Variants in ATP6V0E1 observed in about 807,000 individuals in gnomAD.
ATP6V0E1 encodes the protein V-type proton ATPase subunit e 1.
Under a neutral mutation model 11.6 loss-of-function variants are expected in ATP6V0E1, and 4 were observed. The observed-to-expected ratio is 0.35, with a 90% CI of 0.17 to 0.79. The LOEUF (loss-of-function observed/expected upper bound fraction) is 0.79. ATP6V0E1 is among the 30% of genes least tolerant of loss of function. The pLI is 0.54. For missense variants in ATP6V0E1, 105 were observed against 100.0 expected (o/e 1.05, Z -0.21); for synonymous variants, 36 against 34.8 (o/e 1.04, Z -0.13).
chr5:172,992,081 C>T (rs906580839), intron 1 of ATP6V0E1, among the ~76,000 whole-genome samples: 7 of 151,906 alleles, frequency 4.6e-5, no homozygotes, highest in South Asian at 2.1e-4. Flanking sequence ...GACGGAGTCT[C>T]GCTCTGTCGC....
chr5:172,994,740 T>C, intron 1 of ATP6V0E1, 35 bp from the exon 2 acceptor site: 1 of 1,528,418 alleles, frequency 6.5e-7, no homozygotes, highest in Non-Finnish European at 8.9e-7. Context: ...GTTTGCTAGT[T>C]ATTTAATGAC....
chr5:173,015,280 T>C (rs1238385759), intron 2 of ATP6V0E1, among the ~76,000 whole-genome samples: 1 of 152,226 alleles, frequency 6.6e-6, no homozygotes, highest in Non-Finnish European at 1.5e-5. Flanking sequence ...AAAGGTTATA[T>C]GTGAAATTGT....
chr5:173,019,246 C>T (rs1340119044), intron 2 of ATP6V0E1, among the ~76,000 whole-genome samples: 2 of 152,200 alleles, frequency 1.3e-5, no homozygotes, highest in African/African-American at 4.8e-5. Flanking sequence ...CCGCACCCAA[C>T]CTGTTTTTCA....
intron 2 of ATP6V0E1, among the ~76,000 whole-genome samples, chr5:173,018,268 G>A (rs1689864531): frequency 6.6e-6 from 1 of 151,024 alleles, no homozygotes; most frequent in African/African-American, 2.5e-5. Flanking sequence ...AAAATCATAA[G>A]GAAGAGAAAA....
intron 1 of ATP6V0E1, among the ~76,000 whole-genome samples, chr5:172,988,103 A>G (rs1255456834): frequency 6.6e-6 from 1 of 152,214 alleles, no homozygotes; most frequent in East Asian, 1.9e-4. Context: ...AAAAACTAAA[A>G]CACAAACATA....
At chr5:173,019,052 C>T (rs1241504851) in intron 2 of ATP6V0E1, among the ~76,000 whole-genome samples, 2 of 152,120 alleles carry the variant, frequency 1.3e-5, no homozygotes, top group Admixed American at 6.5e-5. Context: ...CTCCCAGGCT[C>T]AAGGGATGCT....
chr5:172,991,698 T>C (rs1235539018), intron 1 of ATP6V0E1, among the ~76,000 whole-genome samples: 1 of 152,228 alleles, frequency 6.6e-6, no homozygotes, highest in Admixed American at 6.5e-5. Context: ...AGAATTTCTT[T>C]AGCACAATCC....
At chr5:172,987,582 C>A (rs114435890) in intron 1 of ATP6V0E1, among the ~76,000 whole-genome samples, 1 of 151,994 alleles carries the variant, frequency 6.6e-6, no homozygotes. Context: ...CCACACCCGG[C>A]CCCCTGCTAT....
At chr5:173,021,794 A>G (rs1238460056) in intron 3 of ATP6V0E1, among the ~76,000 whole-genome samples, 2 of 152,226 alleles carry the variant, frequency 1.3e-5, no homozygotes, top group Non-Finnish European at 2.9e-5. Context: ...CACGCCTGTA[A>G]TCCCAGCACT....
intron 1 of ATP6V0E1, among the ~76,000 whole-genome samples, chr5:172,989,529 G>T (rs1393372867): frequency 1.3e-5 from 2 of 148,412 alleles, no homozygotes; most frequent in African/African-American, 2.6e-5. Context: ...CCTTACTGAA[G>T]ATTTTTTTTT....
intron 2 of ATP6V0E1, among the ~76,000 whole-genome samples, chr5:173,012,885 G>A (rs1371771443): frequency 3.9e-5 from 6 of 151,906 alleles, no homozygotes; most frequent in Admixed American, 3.9e-4. Flanking sequence ...AAAAGCACAG[G>A]CAACAGGCTG....
intron 3 of ATP6V0E1, among the ~76,000 whole-genome samples, chr5:173,032,227 A>G (rs940761484): frequency 9.9e-6 from 1 of 100,528 alleles, no homozygotes; most frequent in African/African-American, 4.0e-5. Flanking sequence ...ATGTAACATA[A>G]TGCACATTTA....
At chr5:172,990,421 G>A (rs1360535584) in intron 1 of ATP6V0E1, among the ~76,000 whole-genome samples, 2 of 152,162 alleles carry the variant, frequency 1.3e-5, no homozygotes, top group African/African-American at 4.8e-5. Context: ...TGTGGGGGAG[G>A]AGAAAAGGAA....
At chr5:173,030,866 AGCCTCCCGTATAG>A (rs1756638422) in intron 3 of ATP6V0E1, among the ~76,000 whole-genome samples, 1 of 152,142 alleles carries the variant, frequency 6.6e-6, no homozygotes, top group South Asian at 2.1e-4. Flanking sequence ...CTCCTGCCTC[AGCCTCCCGTATAG>A]CTGGGACTAC....
chr5:172,989,299 A>G (rs1000323087), intron 1 of ATP6V0E1, among the ~76,000 whole-genome samples: 1 of 152,110 alleles, frequency 6.6e-6, no homozygotes, highest in Non-Finnish European at 1.5e-5. Context: ...TGATCATGCC[A>G]CTGCATTCTA....
At chr5:173,034,264 A>G in intron 3 of ATP6V0E1, 135 bp from the exon 4 acceptor site, 1 of 660,970 alleles carries the variant, frequency 1.5e-6, no homozygotes, top group East Asian at 2.7e-5. Flanking sequence ...CACCAAGTTG[A>G]TTATCCTGTG....
intron 3 of ATP6V0E1, among the ~76,000 whole-genome samples, chr5:173,033,366 AT>A (rs1414591723): frequency 6.6e-6 from 1 of 152,136 alleles, no homozygotes; most frequent in East Asian, 1.9e-4. Flanking sequence ...CCTGGCCTAA[AT>A]TTATAATCTG....
At chr5:173,029,450 T>C (rs1052738967) in intron 3 of ATP6V0E1, among the ~76,000 whole-genome samples, 11 of 152,280 alleles carry the variant, frequency 7.2e-5, no homozygotes, top group African/African-American at 2.6e-4. Flanking sequence ...CCGCCTTTCC[T>C]TTCCATTCCT....
intron 3 of ATP6V0E1, among the ~76,000 whole-genome samples, chr5:173,024,377 T>TTTG (rs972481698): frequency 5.9e-5 from 9 of 151,930 alleles, no homozygotes; most frequent in African/African-American, 1.9e-4. Context: ...ATGGTTGTGT[T>TTTG]TTGTTGTTGT....
Sources: gnomAD v4.1 joint callset for allele counts (sites outside exome capture counted in the v4.1 genomes callset) on GRCh38, gnomAD v4.1.1 for gene constraint, MANE v1.5 for transcripts, NCBI Gene and HGNC (gene_info 2026-07-23, HGNC 2026-07-21) for gene names.